KCNMA1: variants seen among roughly 807,000 people sequenced by gnomAD.
KCNMA1 encodes the protein potassium calcium-activated channel subfamily M alpha 1.
A neutral mutation model predicts 140.0 loss-of-function variants in KCNMA1; 29 were observed. The observed-to-expected ratio is 0.21, with a 90% CI of 0.15 to 0.28. The LOEUF (loss-of-function observed/expected upper bound fraction) is 0.28, where lower values mean the gene tolerates loss of function less well. KCNMA1 is among the 10% of genes least tolerant of loss of function. The pLI, the probability that KCNMA1 is intolerant of heterozygous loss-of-function variation, is 1.00. For synonymous variants in KCNMA1, 612 were observed against 611.9 expected, an observed-to-expected ratio of 1.00 and a Z score of 0.00; for missense variants, 880 against 1,602.2, an observed-to-expected ratio of 0.55 and a Z score of 7.70.
At chr10:77,235,936 C>T (rs530011699) in intron 3 of KCNMA1, among the ~76,000 whole-genome samples, 2 of 152,220 alleles carry the variant, frequency 1.3e-5, no homozygotes, top group African/African-American at 4.8e-5. Context: ...GTGTCTTTTC[C>T]AGGGGTCTTG....
chr10:77,012,441 C>A, intron 17 of KCNMA1: 2 of 1,549,556 alleles, frequency 1.3e-6, no homozygotes, highest in South Asian at 2.4e-5. Context: ...ACAGTCTGGT[C>A]AAATATATAT....
chr10:77,048,311 C>T (rs1039506470), intron 14 of KCNMA1, among the ~76,000 whole-genome samples: 1 of 152,140 alleles, frequency 6.6e-6, no homozygotes, highest in Admixed American at 6.5e-5. Flanking sequence ...TCACAGTCCC[C>T]ATCTATGGAC....
intron 2 of KCNMA1, chr10:77,373,666 T>C (rs1483296556): frequency 6.6e-6 from 1 of 152,194 alleles, no homozygotes; most frequent in Non-Finnish European, 1.5e-5. Flanking sequence ...TCCATTCTTC[T>C]TTTCACCTGT....
chr10:77,146,597 G>A (rs1194318805), intron 5 of KCNMA1, among the ~76,000 whole-genome samples: 1 of 151,496 alleles, frequency 6.6e-6, no homozygotes, highest in African/African-American at 2.4e-5. Context: ...AGCTACTGGG[G>A]AGGCTGAAGC....
intron 2 of KCNMA1, among the ~76,000 whole-genome samples, chr10:77,317,710 G>A (rs2081252661): frequency 6.6e-6 from 1 of 152,220 alleles, no homozygotes; most frequent in Non-Finnish European, 1.5e-5. Flanking sequence ...GATGCTTGTT[G>A]GCACAAGGCC....
intron 2 of KCNMA1, among the ~76,000 whole-genome samples, chr10:77,379,426 G>T (rs1363222064): frequency 3.3e-5 from 5 of 151,544 alleles, no homozygotes; most frequent in Non-Finnish European, 7.4e-5. Flanking sequence ...GATACTAATG[G>T]GTACAGACAG....
chr10:77,179,392 C>T (rs1332217197), intron 5 of KCNMA1, among the ~76,000 whole-genome samples: 2 of 152,062 alleles, frequency 1.3e-5, no homozygotes, highest in Admixed American at 1.3e-4. Context: ...CACTAGGACT[C>T]GGGAGACACC....
intron 1 of KCNMA1, among the ~76,000 whole-genome samples, chr10:77,612,928 C>A (rs1391538025): frequency 1.3e-5 from 2 of 152,116 alleles, no homozygotes; most frequent in Admixed American, 6.5e-5. Context: ...CTCCCCCCAC[C>A]CCCACTGAGC....
At chr10:77,595,303 C>T (rs1242262126) in intron 1 of KCNMA1, among the ~76,000 whole-genome samples, 5 of 140,492 alleles carry the variant, frequency 3.6e-5, no homozygotes, top group South Asian at 2.2e-4. Context: ...GCCAAGATCA[C>T]GCCACTGCAC....
chr10:77,178,735 C>A (rs1030013315), intron 5 of KCNMA1, among the ~76,000 whole-genome samples: 1 of 152,094 alleles, frequency 6.6e-6, no homozygotes, highest in African/African-American at 2.4e-5. Context: ...AACATACACA[C>A]AAACAGAGGC....
chr10:77,549,633 T>C (rs1337644292), intron 1 of KCNMA1, among the ~76,000 whole-genome samples: 1 of 152,254 alleles, frequency 6.6e-6, no homozygotes, highest in Admixed American at 6.5e-5. Flanking sequence ...AGCTATGCCC[T>C]ACAGGGCAGT....
At chr10:76,974,295 G>T in intron 19 of KCNMA1, 3 of 516,438 alleles carry the variant, frequency 5.8e-6, no homozygotes, top group Non-Finnish European at 1.0e-5. Context: ...TGGGGGTGAG[G>T]TCGTTTTAAT....
At chr10:77,458,234 G>A (rs1229278309) in intron 1 of KCNMA1, among the ~76,000 whole-genome samples, 1 of 152,228 alleles carries the variant, frequency 6.6e-6, no homozygotes, top group Non-Finnish European at 1.5e-5. Context: ...ACCCATGCAG[G>A]AGGGCACCTT....
At chr10:76,938,810 T>G (rs2061233531) in intron 23 of KCNMA1, among the ~76,000 whole-genome samples, 1 of 152,186 alleles carries the variant, frequency 6.6e-6, no homozygotes, top group Admixed American at 6.6e-5. Flanking sequence ...CAGGAATCTT[T>G]GCCGTCACTT....
chr10:77,172,400 G>T (rs566715194), intron 5 of KCNMA1, among the ~76,000 whole-genome samples: 15 of 152,208 alleles, frequency 9.9e-5, no homozygotes, highest in Admixed American at 9.8e-4. Context: ...ACTTACGGAG[G>T]GCATCTTATT....
chr10:77,059,262 C>T (rs1388890222), intron 14 of KCNMA1, among the ~76,000 whole-genome samples: 5 of 151,594 alleles, frequency 3.3e-5, no homozygotes, highest in African/African-American at 1.2e-4. Flanking sequence ...TATTTCACTG[C>T]CAAATACTAC....
chr10:77,358,619 C>G (rs931541188), intron 2 of KCNMA1, among the ~76,000 whole-genome samples: 1 of 152,176 alleles, frequency 6.6e-6, no homozygotes, highest in African/African-American at 2.4e-5. Context: ...CCTCCAGGAG[C>G]CTGCCAAGTT....
At chr10:77,382,988 GTGTGTGTATATATA>G (rs1222178687) in intron 2 of KCNMA1, among the ~76,000 whole-genome samples, 51 of 44,974 alleles carry the variant, frequency 1.1e-3, no homozygotes, top group African/African-American at 6.0e-3. Flanking sequence ...GTGTGTGTGT[GTGTGTGTATATATA>G]TATATATATA....
At chr10:77,002,867 A>G (rs2086948725) in intron 18 of KCNMA1, among the ~76,000 whole-genome samples, 1 of 152,214 alleles carries the variant, frequency 6.6e-6, no homozygotes, top group Non-Finnish European at 1.5e-5. Context: ...GCCAAATGGT[A>G]AACCTAAACT....
Sources: allele counts gnomAD v4.1 joint callset (sites outside exome capture counted in the v4.1 genomes callset), GRCh38; gene constraint gnomAD v4.1.1; transcripts MANE v1.5; gene names NCBI Gene and HGNC (gene_info 2026-07-23, HGNC 2026-07-21).